Variants in RALGPS1 observed in about 807,000 individuals in gnomAD.
RALGPS1 encodes the protein ras-specific guanine nucleotide-releasing factor RalGPS1.
In RALGPS1, 19 loss-of-function variants were observed where a neutral mutation model predicts 78.8. That is an observed-to-expected ratio of 0.24 (90% CI 0.17 to 0.35). The LOEUF is 0.35. Among genes scored for constraint, RALGPS1 ranks in the 10% least tolerant of loss-of-function variants. The pLI is 1.00. For synonymous variants in RALGPS1, 228 were observed against 256.3 expected (o/e 0.89, Z 1.06); for missense variants, 454 against 688.3 (o/e 0.66, Z 3.81).
At chr9:127,105,765 C>T (rs113386290) in intron 8 of RALGPS1, among the ~76,000 whole-genome samples, 3 of 152,178 alleles carry the variant, frequency 2.0e-5, no homozygotes, top group Non-Finnish European at 2.9e-5. Context: ...GGGCATTGGA[C>T]GGATCCCAGA....
Position 127,073,452 on chromosome 9 carries a change from G to GTGTGTGTGTGTC in RALGPS1, c.610+4107_610+4108insCTGTGTGTGTGT, listed in dbSNP as rs1554817534. On this transcript the variant is annotated intron_variant, in intron 8 of 18. Coordinates refer to ENST00000259351, the MANE Select transcript of RALGPS1 (RefSeq NM_014636.3). ...ATGGCCAAGTAGTACACCATTGTGT[G>GTGTGTGTGTGTC]TGTGTGTGTGTGTCTGTGTGTGTGT... 3.6e-5 allele frequency among the ~76,000 whole-genome samples: 5 copies of GTGTGTGTGTGTC among 140,776 alleles called. No individual in the cohort carries two copies. In the East Asian group the frequency reaches 8.0e-4, roughly 23 times the overall value. The allele number at this position is 140,776 out of a possible 152,430, so 92.4% of individuals were successfully genotyped here.
chr9:127,089,283 G>A, intron 8 of RALGPS1: 1 of 796,840 alleles, frequency 1.3e-6, no homozygotes, highest in South Asian at 1.7e-5. Context: ...CATGGGTGGT[G>A]AGAGGCCATG....
intron 13 of RALGPS1, among the ~76,000 whole-genome samples, chr9:127,198,810 A>G (rs2061470316): frequency 1.3e-5 from 2 of 152,136 alleles, no homozygotes; most frequent in African/African-American, 4.8e-5. Flanking sequence ...GTAGCAGAGG[A>G]CCTGCCTGGA....
intron 3 of RALGPS1, 47 bp from the exon 4 acceptor site, chr9:126,977,648 A>G (rs1281533861): frequency 7.7e-6 from 10 of 1,296,232 alleles, no homozygotes; most frequent in East Asian, 2.4e-5. Context: ...CATGACAGTT[A>G]TCTTTGATGT....
chr9:127,036,799 G>A (rs1306449992), intron 5 of RALGPS1, among the ~76,000 whole-genome samples: 1 of 152,140 alleles, frequency 6.6e-6, no homozygotes, highest in Non-Finnish European at 1.5e-5. Context: ...ATCTTTTTTG[G>A]GTCTTGGGTT....
At chr9:127,072,891 T>G (rs1755106352) in intron 8 of RALGPS1, among the ~76,000 whole-genome samples, 1 of 152,244 alleles carries the variant, frequency 6.6e-6, no homozygotes, top group African/African-American at 2.4e-5. Context: ...TGTCTGATAT[T>G]AATTGTGTGA....
intron 10 of RALGPS1, among the ~76,000 whole-genome samples, chr9:127,172,706 G>A (rs1271645607): frequency 1.3e-5 from 2 of 152,098 alleles, no homozygotes; most frequent in Non-Finnish European, 2.9e-5. Flanking sequence ...GTTCCCCCTA[G>A]GTCTTCAATC....
intron 1 of RALGPS1, among the ~76,000 whole-genome samples, chr9:126,925,468 A>G (rs1204489427): frequency 2.0e-5 from 3 of 152,152 alleles, no homozygotes; most frequent in South Asian, 2.1e-4. Flanking sequence ...GAATCACTGG[A>G]ACCTGGGGGG....
chr9:127,156,504 G>C (rs2058716516), intron 8 of RALGPS1, among the ~76,000 whole-genome samples: 1 of 152,058 alleles, frequency 6.6e-6, no homozygotes, highest in African/African-American at 2.4e-5. Flanking sequence ...GTTTTAGTTT[G>C]TAATTCCTTG....
intron 5 of RALGPS1, among the ~76,000 whole-genome samples, chr9:127,045,746 CACACACACACACACAT>C (rs879430283): frequency 0.017 from 1,797 of 106,516 alleles, 14 homozygotes; most frequent in Non-Finnish European, 0.023. Flanking sequence ...CACACACACA[CACACACACACACACAT>C]ACACACACAC....
chr9:127,027,488 TTTGA>T (rs1411559147), intron 4 of RALGPS1, among the ~76,000 whole-genome samples: 2 of 152,198 alleles, frequency 1.3e-5, no homozygotes, highest in Admixed American at 6.5e-5. Flanking sequence ...AAAGATGATA[TTTGA>T]TTGTGTTTAC....
intron 4 of RALGPS1, among the ~76,000 whole-genome samples, chr9:127,026,535 A>G (rs1334887901): frequency 6.6e-6 from 1 of 152,206 alleles, no homozygotes; most frequent in Non-Finnish European, 1.5e-5. Flanking sequence ...TCTATCACAT[A>G]TTTGTTTTAC....
intron 4 of RALGPS1, among the ~76,000 whole-genome samples, chr9:127,003,000 T>C (rs995859887): frequency 1.3e-5 from 2 of 152,178 alleles, no homozygotes; most frequent in African/African-American, 2.4e-5. Flanking sequence ...TTTCTAGTTC[T>C]AGATCCCTGA....
chr9:127,141,044 C>A (rs918991257), intron 8 of RALGPS1, among the ~76,000 whole-genome samples: 3 of 152,128 alleles, frequency 2.0e-5, no homozygotes, highest in Non-Finnish European at 4.4e-5. Flanking sequence ...TAGGAGAGGA[C>A]CCAGGTGGGT....
intron 8 of RALGPS1, among the ~76,000 whole-genome samples, chr9:127,090,834 A>G (rs551724545): frequency 6.6e-6 from 1 of 152,308 alleles, no homozygotes; most frequent in Admixed American, 6.5e-5. Flanking sequence ...ATCTCAAGAA[A>G]CTGGGTGTTG....
At chr9:127,132,231 A>G (rs890196272) in intron 8 of RALGPS1, among the ~76,000 whole-genome samples, 1 of 152,192 alleles carries the variant, frequency 6.6e-6, no homozygotes, top group Non-Finnish European at 1.5e-5. Context: ...TTTAAGCCAC[A>G]TTGTGATGTC....
At chr9:127,009,197 A>T (rs150919742) in intron 4 of RALGPS1, among the ~76,000 whole-genome samples, 104 of 152,356 alleles carry the variant, frequency 6.8e-4, no homozygotes, top group African/African-American at 2.3e-3. Context: ...TAGGCACTAT[A>T]GGCATCCCTG....
intron 7 of RALGPS1, among the ~76,000 whole-genome samples, chr9:127,054,658 T>G (rs1341025732): frequency 6.6e-6 from 1 of 152,140 alleles, no homozygotes; most frequent in South Asian, 2.1e-4. Context: ...TCTTCACTCC[T>G]GTTGATGGTT....
chr9:126,959,842 A>G (rs1422531777), intron 1 of RALGPS1, among the ~76,000 whole-genome samples: 10 of 152,110 alleles, frequency 6.6e-5, no homozygotes, highest in Admixed American at 6.5e-4. Context: ...TAACCACTGC[A>G]TTGTTATCAT....
Sources: gnomAD v4.1 joint callset for allele counts (sites outside exome capture counted in the v4.1 genomes callset) on GRCh38, gnomAD v4.1.1 for gene constraint, MANE v1.5 for transcripts, NCBI Gene and HGNC (gene_info 2026-07-23, HGNC 2026-07-21) for gene names.